ANKRD20A1: variants seen among roughly 807,000 people sequenced by gnomAD.
ANKRD20A1 encodes the protein ankyrin repeat domain 20 family member A1.
In ANKRD20A1, 2 loss-of-function variants were observed where a neutral mutation model predicts 50.9. The ratio of observed to expected loss-of-function variants is 0.04; its 90% CI spans 0.02 to 0.12. The LOEUF (loss-of-function observed/expected upper bound fraction) is 0.12. Ranked by LOEUF, ANKRD20A1 falls within the 10% of genes least tolerant of loss-of-function variation. ANKRD20A1 has a pLI of 1.00. For missense variants in ANKRD20A1, 31 were observed against 548.1 expected (o/e 0.06, Z 9.42); for synonymous variants, 10 against 186.2 (o/e 0.05, Z 7.70).
chr9:67,871,217 GA>G lies in ANKRD20A1; in HGVS notation c.793+6del, dbSNP rs1355159669. ...TACTTAAAAAGGAGAAATCAGGTAA[GA>G]CTTCTGATTGTGAATTTCTTACTTC... On this transcript the variant is annotated splice_donor_region_variant and intron_variant, in intron 6 of 14. Transcript: ENST00000562196. 6 of 1,524,088 alleles carry G rather than the reference GA, an allele frequency of 3.9e-6. No homozygotes were observed. In the African/African-American group the frequency reaches 4.3e-5, roughly 11 times the overall value. The allele number at this position is 1,524,088 out of a possible 1,614,324, so 94.4% of individuals were successfully genotyped here.
In ANKRD20A1 at chr9:67,859,646, C is replaced by T. The variant is rs551647838; in HGVS notation, c.203+17C>T. On this transcript the variant is annotated intron_variant, in intron 1 of 14. Coordinates refer to ENST00000562196, the MANE Select transcript of ANKRD20A1 (RefSeq NM_032250.5). ...GCAGCACAGGTAGCGGGGGCTCAGCCCGGGGTGGGAGGGGGCCCCCAGGCC... is the reference window on the plus strand; with the variant it reads ...GCAGCACAGGTAGCGGGGGCTCAGCTCGGGGTGGGAGGGGGCCCCCAGGCC... 10 of 578,314 alleles carry T rather than the reference C, an allele frequency of 1.7e-5. 4 individuals are homozygous for T. In the African/African-American group the frequency reaches 6.2e-4, roughly 36 times the overall value. 35.8% of individuals were successfully genotyped at this position (578,314 alleles called of 1,614,324 possible).
rs1373855010 is a variant in ANKRD20A1 at position 67,871,923 on chromosome 9, A to G, written c.793+711A>G. On this transcript the variant is annotated intron_variant, in intron 6 of 14. Coordinates refer to ENST00000562196, the MANE Select transcript of ANKRD20A1 (RefSeq NM_032250.5). ...GAAACATATTGACTTTTCATAAAGC[A>G]TAAGTAGTCCTGACAAAGGTCTTCA... Among the ~76,000 whole-genome samples the G allele has an allele frequency of 1.5e-3, 206 of 134,754 alleles. 2 individuals are homozygous for G. Among genetic ancestry groups the G allele is most frequent in the African/African-American group, 5.2e-3 (195 of 37,408 alleles). The allele number at this position is 134,754 out of a possible 152,430, so 88.4% of individuals were successfully genotyped here. A position where few individuals can be genotyped will look rare whatever the true frequency, so the allele number is the denominator to read the frequency against.
At chr9:67,885,076 C>A (rs1348159735) in intron 9 of ANKRD20A1, among the ~76,000 whole-genome samples, 1 of 149,188 alleles carries the variant, frequency 6.7e-6, no homozygotes. Context: ...ACTAAAGGAG[C>A]TGAGTTGTGA....
chr9:67,877,472 G>A (rs1373570373), intron 6 of ANKRD20A1, among the ~76,000 whole-genome samples: 2 of 149,420 alleles, frequency 1.3e-5, no homozygotes, highest in African/African-American at 4.9e-5. Flanking sequence ...TTGTAACAAA[G>A]CATCAGTCTT....
rs1437502399 is a variant in ANKRD20A1, at chr9:67,896,052, CTAAT to C, written c.1153-1503_1153-1500del. On this transcript the variant is annotated intron_variant, in intron 12 of 14. Coordinates refer to ENST00000562196, the MANE Select transcript of ANKRD20A1 (RefSeq NM_032250.5). ...TCCAAGTGGCGTATGAGCTGGGAAA[CTAAT>C]TAAGCCACATACCATGTGACCTTCT... 8.7e-5 allele frequency among the ~76,000 whole-genome samples: 4 copies of C among 45,736 alleles called. 1 individual carries two copies. Among genetic ancestry groups the C allele is most frequent in the African/African-American group, 2.5e-4 (4 of 16,248 alleles). 30.0% of individuals were successfully genotyped at this position (45,736 alleles called of 152,430 possible). A position where few individuals can be genotyped will look rare whatever the true frequency, so the allele number is the denominator to read the frequency against.
At chr9:67,860,139 C>T (rs1296296204) in intron 1 of ANKRD20A1, among the ~76,000 whole-genome samples, 1 of 41,228 alleles carries the variant, frequency 2.4e-5, no homozygotes, top group Non-Finnish European at 4.7e-5. Flanking sequence ...CTCACTGCAA[C>T]CTCTGCCTGC....
intron 6 of ANKRD20A1, among the ~76,000 whole-genome samples, chr9:67,872,095 AT>A (rs1827658764): frequency 1.2e-5 from 1 of 85,400 alleles, no homozygotes; most frequent in Admixed American, 1.3e-4. Flanking sequence ...TTACATATTG[AT>A]TTGTGTCACT....
chr9:67,900,554 A>G lies in ANKRD20A1; in HGVS notation c.1559A>G (p.Asp520Gly). ...GATGAAAATTGCATTTTGAAGGCAG[A>G]TATTGCTATACTCAGACAGGAAATA... ...LMDENCILKA[D>G]IAILRQEICT... The change falls in exon 15 of 15, where the codon GAT (aspartate) becomes GGT (glycine). Residue 520 changes from aspartate to glycine, a missense_variant. Coordinates refer to ENST00000562196, the MANE Select transcript of ANKRD20A1 (RefSeq NM_032250.5). 1.0e-6 allele frequency: 1 copy of G among 955,084 alleles called. No homozygotes were observed. The highest frequency in any genetic ancestry group is 1.4e-6 in the Non-Finnish European group (1 of 708,508). 59.2% of individuals were successfully genotyped at this position (955,084 alleles called of 1,614,324 possible). A position where few individuals can be genotyped will look rare whatever the true frequency, so the allele number is the denominator to read the frequency against.
Position 67,872,349 on chromosome 9 carries a change from T to C in ANKRD20A1, c.793+1137T>C. ...CTGTCATAGTTTACATACATACACATACACACACGCACATGTGCACACACC... is the reference window on the plus strand; with the variant it reads ...CTGTCATAGTTTACATACATACACACACACACACGCACATGTGCACACACC... On this transcript the variant is annotated intron_variant, in intron 6 of 14. Transcript: ENST00000562196. Among the ~76,000 whole-genome samples the C allele has an allele frequency of 1.5e-5, 2 of 134,240 alleles. 1 individual carries two copies. The highest frequency in any genetic ancestry group is 5.5e-5 in the African/African-American group (2 of 36,208). The allele number at this position is 134,240 out of a possible 152,430, so 88.1% of individuals were successfully genotyped here. A position where few individuals can be genotyped will look rare whatever the true frequency, so the allele number is the denominator to read the frequency against.
At chr9:67,884,621 T>G in intron 9 of ANKRD20A1, 51 bp downstream of exon 9, 1 of 1,585,628 alleles carries the variant, frequency 6.3e-7, no homozygotes, top group Non-Finnish European at 8.5e-7. Context: ...CCGGGTGCGG[T>G]GGCTCACGCC....
At chr9:67,872,234 C>T (rs1290588535) in intron 6 of ANKRD20A1, among the ~76,000 whole-genome samples, 6 of 107,850 alleles carry the variant, frequency 5.6e-5, no homozygotes, top group Non-Finnish European at 1.3e-4. Flanking sequence ...TTTTTGAAGA[C>T]AGCTACTGAG....
At chr9:67,884,177 T>C (rs1205115233) in intron 8 of ANKRD20A1, among the ~76,000 whole-genome samples, 1,775 of 138,066 alleles carry the variant, frequency 0.013, 3 homozygotes, top group African/African-American at 0.042. Flanking sequence ...AGTGGAAGAT[T>C]TACTTGAGCC....
chr9:67,892,921 TTC>T (rs1473449805), intron 11 of ANKRD20A1, among the ~76,000 whole-genome samples: 1 of 91,086 alleles, frequency 1.1e-5, no homozygotes, highest in Non-Finnish European at 2.4e-5. Flanking sequence ...CCAGCCTACT[TTC>T]TGAGTCTTAA....
Position 67,872,586 on chromosome 9 carries a change from A to C in ANKRD20A1, c.793+1374A>C, listed in dbSNP as rs1172811266. Among the ~76,000 whole-genome samples the C allele has an allele frequency of 5.9e-5, 8 of 136,548 alleles. 1 individual carries two copies. The highest frequency in any genetic ancestry group is 8.1e-5 in the Non-Finnish European group (5 of 61,868). 89.6% of individuals were successfully genotyped at this position (136,548 alleles called of 152,430 possible). ...AAAGATTAGAAGCAAGTAAACAGGA[A>C]CTCTATGGTCAGTGGTAGACTATAA... On this transcript the variant is annotated intron_variant, in intron 6 of 14. Transcript: ENST00000562196.
Position 67,891,146 on chromosome 9 carries a change from T to C in ANKRD20A1, c.1082-2290T>C, listed in dbSNP as rs963774067. Among the ~76,000 whole-genome samples, 42 of 85,142 alleles carry C rather than the reference T, an allele frequency of 4.9e-4. 7 individuals carry two copies. The highest frequency in any genetic ancestry group is 9.3e-4 in the Non-Finnish European group (37 of 39,926). 55.9% of individuals were successfully genotyped at this position (85,142 alleles called of 152,430 possible). On this transcript the variant is annotated intron_variant, in intron 11 of 14. Coordinates refer to ENST00000562196, the MANE Select transcript of ANKRD20A1 (RefSeq NM_032250.5). ...CACATCTCTACTAAAAACACAAAAT[T>C]AGCTGGGCATGGTGGCACATACCTG...
chr9:67,885,174 C>T (rs1476153086), intron 9 of ANKRD20A1, among the ~76,000 whole-genome samples: 6 of 152,326 alleles, frequency 3.9e-5, no homozygotes, highest in Middle Eastern at 3.4e-3. Context: ...ATGAGGAGAG[C>T]GGAGTGTACA....
At chr9:67,897,113 T>G (rs1389735447) in intron 12 of ANKRD20A1, among the ~76,000 whole-genome samples, 1 of 90,112 alleles carries the variant, frequency 1.1e-5, no homozygotes, top group African/African-American at 3.3e-5. Flanking sequence ...GAAAACTTCT[T>G]TACTGTTCCC....
rs1308662920 is a variant in ANKRD20A1 at position 67,881,014 on chromosome 9, A to AG, written c.894+470dup. Among the ~76,000 whole-genome samples, 17 of 139,462 alleles carry AG rather than the reference A, an allele frequency of 1.2e-4. 1 individual carries two copies. The East Asian group carries it at 3.4e-3, about 28-fold the overall frequency. 91.5% of individuals were successfully genotyped at this position (139,462 alleles called of 152,430 possible). A position where few individuals can be genotyped will look rare whatever the true frequency, so the allele number is the denominator to read the frequency against. The stretch of plus-strand genomic sequence containing the variant: ...CAAGAATATTCAGCACATAGCATAT[A>AG]GCTTTTGTTCTTGGAAACTTATTAT... On this transcript the variant is annotated intron_variant, in intron 8 of 14. Transcript: ENST00000562196.
chr9:67,867,867 C>T, intron 4 of ANKRD20A1, among the ~76,000 whole-genome samples: 1 of 121,802 alleles, frequency 8.2e-6, no homozygotes, highest in African/African-American at 2.8e-5. Flanking sequence ...CCATGTTGGC[C>T]AGGATGGTCT....
Sources: gnomAD v4.1 joint callset for allele counts (sites outside exome capture counted in the v4.1 genomes callset) on GRCh38, gnomAD v4.1.1 for gene constraint, MANE v1.5 for transcripts, NCBI Gene and HGNC (gene_info 2026-07-23, HGNC 2026-07-21) for gene names.